Variants in PLEKHM2 observed in about 807,000 individuals in gnomAD.
PLEKHM2 encodes the protein pleckstrin homology and RUN domain containing M2, also known as pleckstrin homology domain-containing family M member 2.
A neutral mutation model predicts 116.3 loss-of-function variants in PLEKHM2; 77 were observed. The observed-to-expected ratio is 0.66, with a 90% CI of 0.55 to 0.80. The LOEUF (loss-of-function observed/expected upper bound fraction) is 0.80, where lower values mean the gene tolerates loss of function less well. Ranked by LOEUF, PLEKHM2 falls within the 30% of genes least tolerant of loss-of-function variation. PLEKHM2 has a pLI of 0.00. For missense variants in PLEKHM2, 1,183 were observed against 1,354.9 expected (o/e 0.87, Z 1.99); for synonymous variants, 562 against 571.0 (o/e 0.98, Z 0.22).
At chr1:15,726,768 C>T (rs1225848719) in intron 8 of PLEKHM2, among the ~76,000 whole-genome samples, 1 of 152,176 alleles carries the variant, frequency 6.6e-6, no homozygotes, top group Non-Finnish European at 1.5e-5. Flanking sequence ...GTTCCTCTGG[C>T]TGCAGCCATC....
At chr1:15,709,373 G>C (rs1283733370) in intron 1 of PLEKHM2, among the ~76,000 whole-genome samples, 1 of 152,138 alleles carries the variant, frequency 6.6e-6, no homozygotes, top group Non-Finnish European at 1.5e-5. Context: ...ATACTGGAGC[G>C]GGAGGGAGGT....
At chr1:15,687,762 G>A (rs777097632) in intron 1 of PLEKHM2, among the ~76,000 whole-genome samples, 6 of 152,226 alleles carry the variant, frequency 3.9e-5, no homozygotes, top group Non-Finnish European at 7.3e-5. Context: ...ATTGAGGACA[G>A]CAGTCTTGGG....
At chr1:15,707,945 C>T (rs1439134021) in intron 1 of PLEKHM2, among the ~76,000 whole-genome samples, 1 of 152,142 alleles carries the variant, frequency 6.6e-6, no homozygotes, top group African/African-American at 2.4e-5. Flanking sequence ...AGTGCAGTGA[C>T]GTGATCTCAG....
At position 15,719,491 on chromosome 1, in the gene PLEKHM2, G is replaced by A. The variant is rs2067959346; in HGVS notation, c.466-243G>A. ...TAAATAGAGAGAGAGAGAGATAGCG[G>A]GGGCATCAAAGGGTGTAGCTGAGTT... is the stretch of plus-strand genomic sequence containing the variant. On this transcript the variant is annotated intron_variant, in intron 5 of 19. Transcript: ENST00000375799. This position sits in a 1 kb window ranked among gnomAD's most constrained non-coding sequence, Gnocchi z 4.1. 6.6e-6 allele frequency among the ~76,000 whole-genome samples: 1 copy of A among 152,076 alleles called. No homozygotes were observed.
Position 15,730,517 on chromosome 1 carries a change from C to A in PLEKHM2, c.2209-15C>A, listed in dbSNP as rs2068125878. 3.9e-6 allele frequency: 6 copies of A among 1,537,922 alleles called. No homozygotes were observed. Among genetic ancestry groups the A allele is most frequent in the South Asian group, 1.2e-5 (1 of 80,642 alleles). ...GCCTTACTTGCTTTGTCCCCCGTGC[C>A]CGCCCCCGCATCAGGCATCTGCTGT... is the stretch of plus-strand genomic sequence containing the variant. On this transcript the variant is annotated splice_polypyrimidine_tract_variant and intron_variant, in intron 14 of 19. Coordinates refer to ENST00000375799, the MANE Select transcript of PLEKHM2 (RefSeq NM_015164.4).
At chr1:15,687,334 C>T (rs149287328) in intron 1 of PLEKHM2, among the ~76,000 whole-genome samples, 1,658 of 151,824 alleles carry the variant, frequency 0.011, 10 homozygotes, top group Non-Finnish European at 0.017. Context: ...CCACTATGCC[C>T]GGCTAATTTT....
chr1:15,727,940 G>A lies in PLEKHM2; in HGVS notation c.1760+108G>A, dbSNP rs1373837945. Reference sequence around the variant, plus strand: ...AGCACTAGGAAGACCTAGCCTGAGTGAGAAGGGGTGTGAGCCTCCCTCCCT... The same window carrying A: ...AGCACTAGGAAGACCTAGCCTGAGTAAGAAGGGGTGTGAGCCTCCCTCCCT... On this transcript the variant is annotated intron_variant, in intron 9 of 19. Coordinates refer to ENST00000375799, the MANE Select transcript of PLEKHM2 (RefSeq NM_015164.4). This position sits in a 1 kb window ranked among gnomAD's most constrained non-coding sequence, Gnocchi z 7.5. 3.3e-6 allele frequency: 4 copies of A among 1,199,776 alleles called. No homozygotes were observed. The highest frequency in any genetic ancestry group is 4.8e-6 in the Non-Finnish European group (4 of 837,180). 74.3% of individuals were successfully genotyped at this position (1,199,776 alleles called of 1,614,324 possible).
Position 15,727,944 on chromosome 1 carries a change from A to G in PLEKHM2, c.1760+112A>G. The G allele has an allele frequency of 8.4e-7, 1 of 1,189,312 alleles. No individual in the cohort carries two copies. The highest frequency in any genetic ancestry group is 1.2e-6 in the Non-Finnish European group (1 of 826,484). The allele number at this position is 1,189,312 out of a possible 1,614,324, so 73.7% of individuals were successfully genotyped here. A position where few individuals can be genotyped will look rare whatever the true frequency, so the allele number is the denominator to read the frequency against. Reference sequence around the variant, plus strand: ...CTAGGAAGACCTAGCCTGAGTGAGAAGGGGTGTGAGCCTCCCTCCCTAACT... The same window carrying G: ...CTAGGAAGACCTAGCCTGAGTGAGAGGGGGTGTGAGCCTCCCTCCCTAACT... On this transcript the variant is annotated intron_variant, in intron 9 of 19. Transcript: ENST00000375799. The surrounding 1 kb of genome is among the most constrained non-coding windows in gnomAD (Gnocchi z 7.5).
At chr1:15,730,784 C>T (rs186028228) in intron 15 of PLEKHM2, 62 bp downstream of exon 15, 10 of 1,364,440 alleles carry the variant, frequency 7.3e-6, no homozygotes, top group Non-Finnish European at 1.0e-5. Flanking sequence ...GCTGTCAGGT[C>T]CCCAGCGGGG....
intron 1 of PLEKHM2, among the ~76,000 whole-genome samples, chr1:15,689,807 A>C (rs1640851812): frequency 6.6e-6 from 1 of 152,186 alleles, no homozygotes; most frequent in African/African-American, 2.4e-5. Flanking sequence ...CCCAGGCTGG[A>C]GTGCAGTGGC....
chr1:15,706,025 G>A (rs1227298050), intron 1 of PLEKHM2, among the ~76,000 whole-genome samples: 1 of 152,122 alleles, frequency 6.6e-6, no homozygotes, highest in Non-Finnish European at 1.5e-5. Flanking sequence ...AGGCTGCAGT[G>A]AGCCAAGATC....
rs764784510 is a variant in PLEKHM2 at position 15,728,386 on chromosome 1, G to C, written c.1921+29G>C. On this transcript the variant is annotated intron_variant, in intron 11 of 19. Coordinates refer to ENST00000375799, the MANE Select transcript of PLEKHM2 (RefSeq NM_015164.4). The surrounding 1 kb of genome is among the most constrained non-coding windows in gnomAD (Gnocchi z 5.9). ...CCCGCCGCCCCCGGGCAGACAGCGG[G>C]TTGTAGACGAGGCTGACTCTCAGCC... 4 of 1,587,442 alleles carry C rather than the reference G, an allele frequency of 2.5e-6. No homozygotes were observed. Among genetic ancestry groups the C allele is most frequent in the Non-Finnish European group, 3.4e-6 (4 of 1,159,988 alleles).
Position 15,729,462 on chromosome 1 carries a change from T to C in PLEKHM2, c.2075+272T>C, listed in dbSNP as rs879414027. 2.0e-5 allele frequency among the ~76,000 whole-genome samples: 3 copies of C among 152,160 alleles called. No homozygotes were observed. Among genetic ancestry groups the C allele is most frequent in the Non-Finnish European group, 4.4e-5 (3 of 67,998 alleles). ...GGACAGGAAGGCAGGCAGAGAGCCA[T>C]GCTGCTGGGCCAGGCGTGCCCTTGA... On this transcript the variant is annotated intron_variant, in intron 13 of 19. Coordinates refer to ENST00000375799, the MANE Select transcript of PLEKHM2 (RefSeq NM_015164.4). This position sits in a 1 kb window ranked among gnomAD's most constrained non-coding sequence, Gnocchi z 4.7.
intron 6 of PLEKHM2, 105 bp downstream of exon 6, chr1:15,720,025 G>A: frequency 1.1e-6 from 1 of 890,216 alleles, no homozygotes; most frequent in Non-Finnish European, 1.7e-6. Context: ...TGGTCTGGTG[G>A]CTGAAATTTG....
At chr1:15,731,474 T>C (rs2068142471) in intron 16 of PLEKHM2, among the ~76,000 whole-genome samples, 1 of 151,818 alleles carries the variant, frequency 6.6e-6, no homozygotes, top group South Asian at 2.1e-4. Flanking sequence ...TTAGAACAGG[T>C]CCAGTCTGAT....
chr1:15,727,130 G>A lies in PLEKHM2; in HGVS notation c.1058G>A (p.Ser353Asn), dbSNP rs1379068184. 9 of 1,589,738 alleles carry A rather than the reference G, an allele frequency of 5.7e-6. No homozygotes were observed. Among genetic ancestry groups the A allele is most frequent in the Admixed American group, 1.7e-5 (1 of 57,224 alleles). ...TGTGCCAAGCAGGGGGACGGTGACAGCCGCAACGGCAGCCCAAGCCTTGGG... is the reference window on the plus strand; with the variant it reads ...TGTGCCAAGCAGGGGGACGGTGACAACCGCAACGGCAGCCCAAGCCTTGGG... ...KKCAKQGDGD[S>N]RNGSPSLGRD... The change falls in exon 9 of 20, where the codon AGC becomes AAC. Residue 353 changes from serine to asparagine, a missense_variant. This residue lies in a region of PLEKHM2 where 372 missense variants were observed against 357.2 expected (regional missense o/e 1.04). Transcript: ENST00000375799. The surrounding 1 kb of genome is among the most constrained non-coding windows in gnomAD (Gnocchi z 7.5).
Position 15,734,159 on chromosome 1 carries a change from G to C in PLEKHM2, c.*225G>C. ...GCCCGACAGGTAGCGAATGGAGGTC[G>C]CTGGGGGCAGAGGGTCCGAGCCCTG... is the stretch of plus-strand genomic sequence containing the variant. On this transcript the variant is annotated 3_prime_UTR_variant, in exon 20 of 20. Transcript: ENST00000375799. 1 of 564,340 alleles carries C rather than the reference G, an allele frequency of 1.8e-6. No individual in the cohort carries two copies. The highest frequency in any genetic ancestry group is 3.1e-6 in the Non-Finnish European group (1 of 322,664). 35.0% of individuals were successfully genotyped at this position (564,340 alleles called of 1,614,324 possible).
chr1:15,733,334 G>A (rs991955900), intron 19 of PLEKHM2, among the ~76,000 whole-genome samples: 3 of 152,248 alleles, frequency 2.0e-5, no homozygotes, highest in African/African-American at 7.2e-5. Context: ...ACCTCCAGCT[G>A]TGCTCAGATG....
At chr1:15,707,358 G>C (rs72879500) in intron 1 of PLEKHM2, among the ~76,000 whole-genome samples, 4 of 152,028 alleles carry the variant, frequency 2.6e-5, no homozygotes, top group Admixed American at 1.3e-4. Context: ...ACCTGAGCCC[G>C]GTAGGTTGAG....
Sources: gnomAD v4.1 joint callset for allele counts (sites outside exome capture counted in the v4.1 genomes callset) on GRCh38, gnomAD v4.1.1 for gene constraint, gnomAD v4.1.1 regional missense constraint, Gnocchi (gnomAD v3.1) non-coding constraint, MANE v1.5 for transcripts, NCBI Gene and HGNC (gene_info 2026-07-23, HGNC 2026-07-21) for gene names.